RAD51B: variants seen among roughly 807,000 people sequenced by gnomAD.
The protein encoded by RAD51B is RAD51 paralog B, also known as DNA repair protein RAD51 homolog 2.
RAD51B carries 38 observed loss-of-function variants against 42.2 expected under a neutral mutation model. The observed-to-expected ratio is 0.90, with a 90% CI of 0.70 to 1.18. The LOEUF is 1.18. Among genes scored for constraint, RAD51B ranks in the 50% most tolerant of loss-of-function variants. The pLI is 0.00. For synonymous variants in RAD51B, 154 were observed against 145.2 expected (o/e 1.06, Z -0.43); for missense variants, 373 against 400.7 (o/e 0.93, Z 0.59).
At chr14:67,881,110 A>G (rs978742657) in intron 5 of RAD51B, among the ~76,000 whole-genome samples, 1 of 152,206 alleles carries the variant, frequency 6.6e-6, no homozygotes, top group East Asian at 1.9e-4. Flanking sequence ...AATGGTAAGT[A>G]TTTGTGTATC....
At chr14:68,300,970 C>T (rs796365843) in intron 8 of RAD51B, among the ~76,000 whole-genome samples, 12 of 152,216 alleles carry the variant, frequency 7.9e-5, no homozygotes, top group East Asian at 3.9e-4. Context: ...TCATGATTTA[C>T]GGTATACAAG....
intron 10 of RAD51B, among the ~76,000 whole-genome samples, chr14:68,499,306 C>A (rs1884759794): frequency 6.6e-6 from 1 of 152,112 alleles, no homozygotes; most frequent in Non-Finnish European, 1.5e-5. Flanking sequence ...GTTTTCACTC[C>A]CTGCCAATGA....
chr14:68,564,431 A>G (rs2140026274), intron 10 of RAD51B, among the ~76,000 whole-genome samples: 1 of 152,300 alleles, frequency 6.6e-6, no homozygotes, highest in South Asian at 2.1e-4. Context: ...GAGGCCACTG[A>G]AGCTGGGCGA....
chr14:67,975,359 G>T (rs1036496678), intron 7 of RAD51B, among the ~76,000 whole-genome samples: 2 of 152,136 alleles, frequency 1.3e-5, no homozygotes, highest in Non-Finnish European at 2.9e-5. Flanking sequence ...ATAACCAGTT[G>T]TGACTCTCAT....
intron 7 of RAD51B, among the ~76,000 whole-genome samples, chr14:67,967,932 C>T (rs879579890): frequency 8.5e-5 from 13 of 152,218 alleles, no homozygotes; most frequent in South Asian, 2.1e-4. Context: ...AGAGATTCTC[C>T]GTGAGGGCCC....
intron 10 of RAD51B, among the ~76,000 whole-genome samples, chr14:68,569,170 G>C (rs1425045808): frequency 1.3e-5 from 2 of 152,206 alleles, no homozygotes; most frequent in Non-Finnish European, 2.9e-5. Flanking sequence ...TTTCACCCGG[G>C]AAAGTCCCTG....
intron 8 of RAD51B, among the ~76,000 whole-genome samples, chr14:68,365,001 C>A (rs1347297396): frequency 6.6e-6 from 1 of 152,084 alleles, no homozygotes; most frequent in African/African-American, 2.4e-5. Context: ...TTCTGACTGC[C>A]CTTAGCTTTG....
intron 10 of RAD51B, among the ~76,000 whole-genome samples, chr14:68,552,582 T>C (rs1440166406): frequency 6.6e-6 from 1 of 152,204 alleles, no homozygotes. Flanking sequence ...ATAGTTCCCA[T>C]GTTAAAAGTT....
chr14:67,893,519 C>CAACA (rs2043303777), intron 7 of RAD51B, among the ~76,000 whole-genome samples: 1 of 117,912 alleles, frequency 8.5e-6, no homozygotes. Context: ...CAAAAAAAAA[C>CAACA]AATTAGCTGG....
chr14:68,498,415 TC>T (rs1247987367), intron 10 of RAD51B, among the ~76,000 whole-genome samples: 2 of 152,236 alleles, frequency 1.3e-5, no homozygotes, highest in African/African-American at 4.8e-5. Flanking sequence ...TATTTTCACT[TC>T]TTTCCAGTTA....
chr14:68,450,618 T>C (rs779538947), intron 9 of RAD51B, among the ~76,000 whole-genome samples: 18 of 152,176 alleles, frequency 1.2e-4, no homozygotes, highest in Non-Finnish European at 2.4e-4. Flanking sequence ...CTCTGTTCTG[T>C]AGTTCCTCAC....
chr14:67,993,965 G>C (rs765133252), intron 7 of RAD51B, among the ~76,000 whole-genome samples: 3 of 152,118 alleles, frequency 2.0e-5, no homozygotes, highest in Non-Finnish European at 4.4e-5. Context: ...ATATATAACT[G>C]TTAGTATATA....
intron 10 of RAD51B, among the ~76,000 whole-genome samples, chr14:68,520,035 A>G (rs535662880): frequency 2.0e-5 from 3 of 152,368 alleles, no homozygotes; most frequent in African/African-American, 7.2e-5. Flanking sequence ...GGGGACAAGT[A>G]GTGTGAAAAC....
At chr14:68,074,189 A>G (rs2076797835) in intron 7 of RAD51B, among the ~76,000 whole-genome samples, 1 of 152,170 alleles carries the variant, frequency 6.6e-6, no homozygotes, top group Non-Finnish European at 1.5e-5. Flanking sequence ...GTCTCTTTAC[A>G]TAATTCCATA....
chr14:68,043,993 A>G (rs544363880), intron 7 of RAD51B, among the ~76,000 whole-genome samples: 1 of 152,344 alleles, frequency 6.6e-6, no homozygotes, highest in South Asian at 2.1e-4. Context: ...GGGAAAGCAC[A>G]TAGCTAAATA....
At chr14:68,231,912 G>A (rs2080157772) in intron 7 of RAD51B, among the ~76,000 whole-genome samples, 2 of 152,134 alleles carry the variant, frequency 1.3e-5, no homozygotes, top group South Asian at 4.1e-4. Flanking sequence ...ACACAGGAAT[G>A]TAATATAAAT....
intron 7 of RAD51B, among the ~76,000 whole-genome samples, chr14:68,207,776 G>A (rs1247894124): frequency 6.6e-6 from 1 of 152,104 alleles, no homozygotes; most frequent in Non-Finnish European, 1.5e-5. Context: ...ATTGAAGACC[G>A]AGACTGGGCC....
At chr14:67,883,058 A>G (rs1361712910) in intron 5 of RAD51B, among the ~76,000 whole-genome samples, 1 of 152,146 alleles carries the variant, frequency 6.6e-6, no homozygotes, top group African/African-American at 2.4e-5. Flanking sequence ...AAATTCTTTC[A>G]GCTCCTCTTT....
chr14:68,617,998 T>C (rs1370620502), intron 10 of RAD51B, among the ~76,000 whole-genome samples: 1 of 152,140 alleles, frequency 6.6e-6, no homozygotes, highest in African/African-American at 2.4e-5. Flanking sequence ...AAATGATGAA[T>C]GATAGCAGGC....
Sources: allele counts gnomAD v4.1 joint callset (sites outside exome capture counted in the v4.1 genomes callset), GRCh38; gene constraint gnomAD v4.1.1; transcripts MANE v1.5; gene names NCBI Gene and HGNC (gene_info 2026-07-23, HGNC 2026-07-21).